SEMA6A: variants seen among roughly 807,000 people sequenced by gnomAD.
The protein encoded by SEMA6A is semaphorin 6A.
A neutral mutation model predicts 96.8 loss-of-function variants in SEMA6A; 25 were observed. The ratio of observed to expected loss-of-function variants is 0.26; its 90% CI spans 0.19 to 0.36. SEMA6A has a LOEUF of 0.36. SEMA6A is among the 10% of genes least tolerant of loss of function. The pLI is 1.00. For missense variants in SEMA6A, 1,363 were observed against 1,323.1 expected, an observed-to-expected ratio of 1.03 and a Z score of -0.47; for synonymous variants, 612 against 518.0, an observed-to-expected ratio of 1.18 and a Z score of -2.46.
At chr5:116,502,175 ACT>A in intron 3 of SEMA6A, 33 bp downstream of exon 3, 1 of 1,558,826 alleles carries the variant, frequency 6.4e-7, no homozygotes, top group Non-Finnish European at 8.8e-7. Context: ...GCTTTTGGAC[ACT>A]CTCAAGGCAG....
intron 1 of SEMA6A, among the ~76,000 whole-genome samples, chr5:116,553,822 G>C (rs1021543994): frequency 6.6e-6 from 1 of 152,116 alleles, no homozygotes; most frequent in Non-Finnish European, 1.5e-5. Flanking sequence ...AGGATGAATA[G>C]TACCATGATA....
chr5:116,447,175 T>C lies in SEMA6A; in HGVS notation c.2531A>G (p.Glu844Gly). The change falls in exon 19 of 19, where the codon GAG becomes GGG. Residue 844 changes from glutamate (E) to glycine (G), a missense_variant. By Grantham distance (98) the Glu-to-Gly change is moderately conservative. Transcript: ENST00000343348. The part of the protein sequence containing the change: ...KMSEVAQMAL[E>G]DQAATLEYKT... Reference sequence around the variant, plus strand: ...ATACTCCAGTGTGGCGGCCTGGTCCTCCAGCGCCATCTGGGCCACCTCGCT... The same window carrying C: ...ATACTCCAGTGTGGCGGCCTGGTCCCCCAGCGCCATCTGGGCCACCTCGCT... 6.2e-7 allele frequency: 1 copy of C among 1,614,038 alleles called. No individual in the cohort carries two copies. Among genetic ancestry groups the C allele is most frequent in the East Asian group, 2.2e-5 (1 of 44,860 alleles).
chr5:116,450,436 A>G (rs1341189296), intron 18 of SEMA6A, among the ~76,000 whole-genome samples: 2 of 152,232 alleles, frequency 1.3e-5, no homozygotes, highest in African/African-American at 4.8e-5. Flanking sequence ...GGAAAGAGTA[A>G]AGCTAGAGCA....
In SEMA6A at chr5:116,546,721, A is replaced by G. The variant is rs190157071; in HGVS notation, c.-39+27464T>C. On this transcript the variant is annotated intron_variant, in intron 1 of 18. Transcript: ENST00000343348. ...AGACCACTGCCTGGAAAGCCCCCACACTCATTACAGATCCTGATCTTAACT... is the reference window on the plus strand; with the variant it reads ...AGACCACTGCCTGGAAAGCCCCCACGCTCATTACAGATCCTGATCTTAACT... Among the ~76,000 whole-genome samples the G allele has an allele frequency of 4.4e-3, 669 of 152,190 alleles. 1 individual carries two copies. Among genetic ancestry groups the G allele is most frequent in the South Asian group, 7.5e-3 (36 of 4,820 alleles).
intron 1 of SEMA6A, among the ~76,000 whole-genome samples, chr5:116,558,899 G>T (rs147896492): frequency 6.6e-6 from 1 of 152,118 alleles, no homozygotes; most frequent in Non-Finnish European, 1.5e-5. Flanking sequence ...ACATTGAGCC[G>T]GGGGGAGAGG....
chr5:116,542,363 A>T (rs1408777616), intron 1 of SEMA6A, among the ~76,000 whole-genome samples: 1 of 152,044 alleles, frequency 6.6e-6, no homozygotes, highest in Non-Finnish European at 1.5e-5. Context: ...TTTCTTCTTC[A>T]TTACTCTATT....
At chr5:116,484,934 G>A (rs80133725) in intron 10 of SEMA6A, among the ~76,000 whole-genome samples, 11,229 of 152,230 alleles carry the variant, frequency 0.074, 527 homozygotes, top group East Asian at 0.21. Flanking sequence ...CAGACCCTGT[G>A]GGGGCTTGTG....
chr5:116,498,198 T>TG (rs1432018851), intron 3 of SEMA6A, among the ~76,000 whole-genome samples: 1 of 152,040 alleles, frequency 6.6e-6, no homozygotes, highest in Non-Finnish European at 1.5e-5. Context: ...ACAGAGGAGA[T>TG]GGGGGGCTAC....
chr5:116,466,315 G>A (rs1439760345), intron 18 of SEMA6A, among the ~76,000 whole-genome samples: 1 of 150,236 alleles, frequency 6.7e-6, no homozygotes, highest in Non-Finnish European at 1.5e-5. Context: ...GGAGGCGGAG[G>A]TTGCAGTGAG....
Position 116,446,776 on chromosome 5 carries a change from G to T in SEMA6A, c.2930C>A (p.Ser977Tyr). 1 of 1,611,778 alleles carries T rather than the reference G, an allele frequency of 6.2e-7. No homozygotes were observed. Among genetic ancestry groups the T allele is most frequent in the Non-Finnish European group, 8.5e-7 (1 of 1,178,902 alleles). ...DSIQVHSSQP[S>Y]GQAVTVSRQP... ...CCTCGAGACAGTCACGGCCTGGCCA[G>T]ATGGCTGGGAGCTGTGCACCTGGAT... The change falls in exon 19 of 19, where the codon TCT becomes TAT. Residue 977 changes from serine to tyrosine, a missense_variant. Coordinates refer to ENST00000343348, the MANE Select transcript of SEMA6A (RefSeq NM_020796.5).
intron 18 of SEMA6A, among the ~76,000 whole-genome samples, chr5:116,448,740 T>C (rs745762508): frequency 1.5e-5 from 2 of 137,126 alleles, no homozygotes; most frequent in Non-Finnish European, 3.1e-5. Context: ...TTTGTGCTGA[T>C]TTTGCATCAC....
intron 17 of SEMA6A, 86 bp from the exon 18 acceptor site, chr5:116,467,833 A>G (rs1755862027): frequency 1.4e-6 from 2 of 1,418,196 alleles, no homozygotes; most frequent in African/African-American, 1.4e-5. Context: ...TGGGACACCC[A>G]AGCTGGCTGT....
At position 116,445,606 on chromosome 5, in the gene SEMA6A, A is replaced by T. The variant is rs1314415666; in HGVS notation, c.*1007T>A. 6.6e-6 allele frequency: 1 copy of T among 152,464 alleles called. No homozygotes were observed. Among genetic ancestry groups the T allele is most frequent in the Non-Finnish European group, 1.5e-5 (1 of 68,040 alleles). 9.4% of individuals were successfully genotyped at this position (152,464 alleles called of 1,614,324 possible). ...AGGATCTGGAAGGACTTTAACATGA[A>T]TTAGTTTTTTTGCATGTTTATAGGC... On this transcript the variant is annotated 3_prime_UTR_variant, in exon 19 of 19. Transcript: ENST00000343348.
intron 7 of SEMA6A, among the ~76,000 whole-genome samples, chr5:116,489,411 ATT>A (rs1757225721): frequency 6.6e-6 from 1 of 152,100 alleles, no homozygotes; most frequent in Admixed American, 6.5e-5. Flanking sequence ...ATAGATGCTG[ATT>A]GTGTCCCCAG....
At chr5:116,568,485 T>C (rs749586209) in intron 1 of SEMA6A, among the ~76,000 whole-genome samples, 1 of 152,290 alleles carries the variant, frequency 6.6e-6, no homozygotes, top group African/African-American at 2.4e-5. Flanking sequence ...GAAAGTTGAA[T>C]TTTAAAACTA....
rs138984813 is a variant in SEMA6A, at chr5:116,492,148, G to C, written c.445-318C>G. Among the ~76,000 whole-genome samples, 68 of 152,234 alleles carry C rather than the reference G, an allele frequency of 4.5e-4. No individual in the cohort carries two copies. In the East Asian group the frequency reaches 0.012, roughly 28 times the overall value. ...TTTTTGTTGAACTCTGACAGACTCT[G>C]TGGTCTGTGGGTCTGGCATGTATTC... On this transcript the variant is annotated intron_variant, in intron 6 of 18. Coordinates refer to ENST00000343348, the MANE Select transcript of SEMA6A (RefSeq NM_020796.5).
intron 17 of SEMA6A, chr5:116,472,666 A>T (rs1373114993): frequency 2.1e-6 from 1 of 483,396 alleles, no homozygotes; most frequent in Non-Finnish European, 3.6e-6. Context: ...ATTTCATGTT[A>T]TCTGGATTAA....
At chr5:116,496,457 G>T in intron 4 of SEMA6A, 144 bp from the exon 5 acceptor site, 1 of 583,178 alleles carries the variant, frequency 1.7e-6, no homozygotes, top group Non-Finnish European at 2.9e-6. Flanking sequence ...TTAATTCACC[G>T]TAACAACAAA....
At chr5:116,449,231 C>T (rs1485221610) in intron 18 of SEMA6A, 8 of 682,414 alleles carry the variant, frequency 1.2e-5, no homozygotes, top group Non-Finnish European at 2.1e-5. Context: ...AGTGAAAGAA[C>T]ATGAATACAT....
Sources: gnomAD v4.1 joint callset for allele counts (sites outside exome capture counted in the v4.1 genomes callset) on GRCh38, gnomAD v4.1.1 for gene constraint, MANE v1.5 for transcripts, NCBI Gene and HGNC (gene_info 2026-07-23, HGNC 2026-07-21) for gene names.